ROR2: variants seen among roughly 807,000 people sequenced by gnomAD.
ROR2 encodes ROR family WNT receptor 2.
In ROR2, 33 loss-of-function variants were observed where a neutral mutation model predicts 74.9. The ratio of observed to expected loss-of-function variants is 0.44; its 90% confidence interval spans 0.33 to 0.59. The LOEUF is 0.59. Ranked by LOEUF, ROR2 falls within the 20% of genes least tolerant of loss-of-function variation. The pLI, the probability that ROR2 is intolerant of heterozygous loss-of-function variation, is 0.02. For missense variants in ROR2, 1,216 were observed against 1,313.8 expected, an observed-to-expected ratio of 0.93 and a Z score of 1.15; for synonymous variants, 586 against 558.7, an observed-to-expected ratio of 1.05 and a Z score of -0.69.
chr9:91,929,468 G>A (rs962240604), intron 1 of ROR2, among the ~76,000 whole-genome samples: 4 of 152,182 alleles, frequency 2.6e-5, no homozygotes, highest in Admixed American at 2.0e-4. Flanking sequence ...CCGTGGAGAG[G>A]GGGTTCCATC....
intron 2 of ROR2, among the ~76,000 whole-genome samples, chr9:91,758,367 C>T (rs1825822689): frequency 6.6e-6 from 1 of 152,168 alleles, no homozygotes; most frequent in South Asian, 2.1e-4. Context: ...GATGTAAATT[C>T]ACGCTCAGAA....
intron 1 of ROR2, among the ~76,000 whole-genome samples, chr9:91,909,452 TC>T (rs2119441965): frequency 6.6e-6 from 1 of 151,726 alleles, no homozygotes; most frequent in African/African-American, 2.4e-5. Context: ...GCTCAAGCAA[TC>T]CTCCTGACTC....
Position 91,743,662 on chromosome 9 carries a change from C to T in ROR2, c.495-6144G>A, listed in dbSNP as rs182231033. Among the ~76,000 whole-genome samples the T allele has an allele frequency of 1.8e-4, 28 of 152,218 alleles. No individual in the cohort carries two copies. The East Asian group carries it at 4.8e-3, about 26-fold the overall frequency. On this transcript the variant is annotated intron_variant, in intron 4 of 8. Transcript: ENST00000375708. ...ACAAGAGCGTTACAGACCAAAATGC[C>T]TACCATCAAAAGGGGCAACGTCCTC...
intron 1 of ROR2, among the ~76,000 whole-genome samples, chr9:91,888,262 C>T (rs1830339679): frequency 6.6e-6 from 1 of 152,116 alleles, no homozygotes; most frequent in Non-Finnish European, 1.5e-5. Flanking sequence ...AGTGAACTGC[C>T]TGTTTATATT....
At chr9:91,931,321 GAAGT>G (rs1831543987) in intron 1 of ROR2, among the ~76,000 whole-genome samples, 1 of 152,208 alleles carries the variant, frequency 6.6e-6, no homozygotes, top group Admixed American at 6.5e-5. Flanking sequence ...TCCTTAATTA[GAAGT>G]AAAAGGGACA....
chr9:91,782,140 A>G (rs972331752), intron 1 of ROR2, among the ~76,000 whole-genome samples: 1 of 152,222 alleles, frequency 6.6e-6, no homozygotes, highest in Middle Eastern at 3.2e-3. Context: ...CCCACCAGAT[A>G]CAGTGAGAAG....
At chr9:91,757,110 C>G (rs1376275100) in intron 3 of ROR2, among the ~76,000 whole-genome samples, 162 bp downstream of exon 3, 1 of 152,086 alleles carries the variant, frequency 6.6e-6, no homozygotes, top group African/African-American at 2.4e-5. Flanking sequence ...ACAGGTCAAG[C>G]TGGGCCCTGG....
chr9:91,832,066 C>T (rs1374418843), intron 1 of ROR2, among the ~76,000 whole-genome samples: 1 of 152,086 alleles, frequency 6.6e-6, no homozygotes, highest in Non-Finnish European at 1.5e-5. Flanking sequence ...CATAAAGTCA[C>T]CACAAGGCTG....
intron 1 of ROR2, among the ~76,000 whole-genome samples, chr9:91,839,219 C>A (rs1363226406): frequency 6.6e-6 from 1 of 151,422 alleles, no homozygotes; most frequent in Admixed American, 6.6e-5. Flanking sequence ...CCTCCAATAT[C>A]CTGGCCTGAT....
chr9:91,862,372 C>G (rs1829496131), intron 1 of ROR2, among the ~76,000 whole-genome samples: 1 of 151,402 alleles, frequency 6.6e-6, no homozygotes, highest in Non-Finnish European at 1.5e-5. Flanking sequence ...GCAGCAGGAG[C>G]AGCAGCCAGG....
At chr9:91,755,926 A>C (rs1825735174) in intron 4 of ROR2, 145 bp downstream of exon 4, 1 of 799,204 alleles carries the variant, frequency 1.3e-6, no homozygotes, top group African/African-American at 1.7e-5. Flanking sequence ...ACCCTAAGCA[A>C]GCACGTGGCC....
intron 2 of ROR2, among the ~76,000 whole-genome samples, chr9:91,772,192 GATAATTCA>G (rs1168189307): frequency 2.0e-5 from 3 of 152,204 alleles, no homozygotes; most frequent in Non-Finnish European, 2.9e-5. Context: ...TACAGGACCA[GATAATTCA>G]TGAGCAAGGG....
intron 4 of ROR2, 89 bp downstream of exon 4, chr9:91,755,982 C>T: frequency 7.0e-7 from 1 of 1,428,126 alleles, no homozygotes; most frequent in Non-Finnish European, 9.9e-7. Context: ...TCGGCAAAGA[C>T]ATGAGCTGGC....
At chr9:91,781,248 A>G (rs1408857013) in intron 1 of ROR2, among the ~76,000 whole-genome samples, 1 of 152,184 alleles carries the variant, frequency 6.6e-6, no homozygotes, top group Non-Finnish European at 1.5e-5. Context: ...TGAGAAAGTG[A>G]CGGTGCTGCA....
chr9:91,806,811 G>A lies in ROR2; in HGVS notation c.98-30993C>T, dbSNP rs540674342. Among the ~76,000 whole-genome samples the A allele has an allele frequency of 2.9e-3, 448 of 152,224 alleles. 2 individuals carry two copies. The highest frequency in any genetic ancestry group is 8.6e-3 in the African/African-American group (356 of 41,546). ...TCACCGTGTTAGCCAGGATGGTCTC[G>A]ATCTCCTGACCTTGTGATCCGCCCG... is the stretch of plus-strand genomic sequence containing the variant. On this transcript the variant is annotated intron_variant, in intron 1 of 8. Transcript: ENST00000375708.
Position 91,898,502 on chromosome 9 carries a change from C to G in ROR2, c.97+51365G>C, listed in dbSNP as rs192894170. Among the ~76,000 whole-genome samples the G allele has an allele frequency of 2.3e-3, 350 of 152,224 alleles. 1 individual carries two copies. The highest frequency in any genetic ancestry group is 8.2e-3 in the African/African-American group (339 of 41,464). On this transcript the variant is annotated intron_variant, in intron 1 of 8. Transcript: ENST00000375708. ...CCCCAAGACGTCCTACAGAACCCCA[C>G]CCCTTTATTCATGACAACTTTATGG...
chr9:91,744,079 A>C (rs942617178), intron 4 of ROR2, among the ~76,000 whole-genome samples: 2 of 152,340 alleles, frequency 1.3e-5, no homozygotes, highest in South Asian at 4.1e-4. Flanking sequence ...GAGGCCAGAC[A>C]TAAGAGTCTC....
intron 1 of ROR2, among the ~76,000 whole-genome samples, chr9:91,830,332 ATG>A (rs1198507549): frequency 6.6e-6 from 1 of 152,170 alleles, no homozygotes; most frequent in East Asian, 1.9e-4. Flanking sequence ...TTAGCCAGAT[ATG>A]GTGGTATGAA....
At chr9:91,787,337 C>A (rs1180797304) in intron 1 of ROR2, among the ~76,000 whole-genome samples, 1 of 151,916 alleles carries the variant, frequency 6.6e-6, no homozygotes, top group Non-Finnish European at 1.5e-5. Flanking sequence ...ATGCTGAAAC[C>A]CCATCTCTAC....
Sources: gnomAD v4.1 joint callset for allele counts (sites outside exome capture counted in the v4.1 genomes callset) on GRCh38, gnomAD v4.1.1 for gene constraint, MANE v1.5 for transcripts, NCBI Gene and HGNC (gene_info 2026-07-23, HGNC 2026-07-21) for gene names.